Variants in CAMTA1 observed in about 807,000 individuals in gnomAD.
CAMTA1 encodes the protein calmodulin-binding transcription activator 1.
A neutral mutation model predicts 170.9 loss-of-function variants in CAMTA1; 27 were observed. That is an observed-to-expected ratio of 0.16 (90% CI 0.12 to 0.22). The LOEUF is 0.22. Among genes scored for constraint, CAMTA1 ranks in the 10% least tolerant of loss-of-function variants. The pLI, the probability that CAMTA1 is intolerant of heterozygous loss-of-function variation, is 1.00. For synonymous variants in CAMTA1, 833 were observed against 891.5 expected, an observed-to-expected ratio of 0.93 and a Z score of 1.17; for missense variants, 1,619 against 2,217.2, an observed-to-expected ratio of 0.73 and a Z score of 5.42.
intron 6 of CAMTA1, among the ~76,000 whole-genome samples, chr1:7,579,556 T>C (rs113521932): frequency 8.5e-5 from 9 of 106,070 alleles, no homozygotes; most frequent in African/African-American, 7.4e-4. Context: ...TCTTTTCTTT[T>C]TTTTTTTTTT....
intron 6 of CAMTA1, among the ~76,000 whole-genome samples, chr1:7,509,062 C>A (rs913061715): frequency 6.6e-6 from 1 of 152,138 alleles, no homozygotes; most frequent in Non-Finnish European, 1.5e-5. Context: ...TGCTGTGGGT[C>A]CCCCCAGGCA....
In CAMTA1 at chr1:6,856,292, T is replaced by C. The variant is rs1205959705; in HGVS notation, c.234+31082T>C. 6.6e-5 allele frequency among the ~76,000 whole-genome samples: 10 copies of C among 151,464 alleles called. No individual in the cohort carries two copies. In the East Asian group the frequency reaches 7.8e-4, roughly 12 times the overall value. On this transcript the variant is annotated intron_variant, in intron 3 of 22. Transcript: ENST00000303635. The stretch of plus-strand genomic sequence containing the variant: ...TGGAACCAGTGTTTTTTTTTTTTTT[T>C]CTCTGTGACAGATAGAATTATGATG...
chr1:6,847,120 C>T (rs1051506541), intron 3 of CAMTA1, among the ~76,000 whole-genome samples: 2 of 151,442 alleles, frequency 1.3e-5, no homozygotes, highest in African/African-American at 2.4e-5. Flanking sequence ...TCTTTTGCCT[C>T]AGCCTACCGA....
chr1:6,845,240 A>G (rs1419948278), intron 3 of CAMTA1, among the ~76,000 whole-genome samples: 1 of 152,194 alleles, frequency 6.6e-6, no homozygotes, highest in African/African-American at 2.4e-5. Flanking sequence ...CTGATGGTCC[A>G]GGGGCTTCTG....
rs1032555656 is a variant in CAMTA1 at position 7,585,749 on chromosome 1, G to A, written c.511-54651G>A. Among the ~76,000 whole-genome samples the A allele has an allele frequency of 7.3e-5, 11 of 150,874 alleles. No homozygotes were observed. Among genetic ancestry groups the A allele is most frequent in the Non-Finnish European group, 1.6e-4 (11 of 68,008 alleles). ...TGCCCAGTTCATACATCCTAGAGGG[G>A]GGCTCTCTTGTGGACAGACAGGCCA... On this transcript the variant is annotated intron_variant, in intron 6 of 22. Transcript: ENST00000303635. The surrounding 1 kb of genome is among the most constrained non-coding windows in gnomAD (Gnocchi z 4.8).
chr1:7,701,439 AGG>A (rs2096438948), intron 11 of CAMTA1, among the ~76,000 whole-genome samples: 1 of 152,068 alleles, frequency 6.6e-6, no homozygotes, highest in South Asian at 2.1e-4. Flanking sequence ...TTTTTGAGAC[AGG>A]GTCTTGCTCT....
At chr1:7,060,608 A>G (rs1240198472) in intron 3 of CAMTA1, among the ~76,000 whole-genome samples, 1 of 152,164 alleles carries the variant, frequency 6.6e-6, no homozygotes, top group African/African-American at 2.4e-5. Flanking sequence ...CTGCCTGTAC[A>G]CGTGTCTTAG....
chr1:7,446,002 C>T (rs944906146), intron 5 of CAMTA1, among the ~76,000 whole-genome samples: 14 of 152,252 alleles, frequency 9.2e-5, no homozygotes, highest in African/African-American at 3.4e-4. Context: ...TCCAGGCCTC[C>T]CTCCTCACCT....
chr1:7,220,217 ATGTT>A (rs1403510961), intron 4 of CAMTA1, among the ~76,000 whole-genome samples: 1 of 152,206 alleles, frequency 6.6e-6, no homozygotes, highest in Non-Finnish European at 1.5e-5. Context: ...GGGGTCAAGA[ATGTT>A]TGTGAGATGA....
chr1:7,244,591 G>A (rs1665444554), intron 4 of CAMTA1, among the ~76,000 whole-genome samples: 1 of 152,144 alleles, frequency 6.6e-6, no homozygotes, highest in Non-Finnish European at 1.5e-5. Context: ...GTCCTTTGTA[G>A]GGACATGGAT....
rs146755925 is a variant in CAMTA1, at chr1:7,298,692, T to C, written c.438+49066T>C. ...TTATCAATACATTTTGTAATATATATTTACCAAATTGTTTATCCAGCAAAC... is the reference window on the plus strand; with the variant it reads ...TTATCAATACATTTTGTAATATATACTTACCAAATTGTTTATCCAGCAAAC... On this transcript the variant is annotated intron_variant, in intron 5 of 22. Transcript: ENST00000303635. Among the ~76,000 whole-genome samples the C allele has an allele frequency of 4.4e-3, 671 of 152,302 alleles. 8 individuals carry two copies. Among genetic ancestry groups the C allele is most frequent in the Admixed American group, 0.024 (366 of 15,298 alleles).
intron 6 of CAMTA1, among the ~76,000 whole-genome samples, chr1:7,619,402 G>A (rs2095581714): frequency 6.6e-6 from 1 of 152,170 alleles, no homozygotes. Flanking sequence ...CCAGGTGACT[G>A]CAGTCCAGGT....
intron 9 of CAMTA1, among the ~76,000 whole-genome samples, chr1:7,667,778 C>A (rs778677941): frequency 5.9e-5 from 9 of 152,016 alleles, no homozygotes; most frequent in Non-Finnish European, 1.3e-4. Context: ...GCAGAGGGAG[C>A]GGCCAGCCTT....
intron 22 of CAMTA1, 93 bp downstream of exon 22, chr1:7,755,761 G>A: frequency 4.9e-6 from 5 of 1,019,914 alleles, no homozygotes; most frequent in Non-Finnish European, 7.8e-6. Context: ...GCCTAGGTAT[G>A]CCAGTAAGTT....
At chr1:7,138,424 A>G (rs1432147919) in intron 4 of CAMTA1, among the ~76,000 whole-genome samples, 1 of 152,238 alleles carries the variant, frequency 6.6e-6, no homozygotes, top group Admixed American at 6.5e-5. Flanking sequence ...ATGATGACTA[A>G]AAAGAATCAC....
At chr1:7,167,974 T>A (rs1411007267) in intron 4 of CAMTA1, among the ~76,000 whole-genome samples, 1 of 152,064 alleles carries the variant, frequency 6.6e-6, no homozygotes, top group Non-Finnish European at 1.5e-5. Context: ...GTCTCAAATT[T>A]CTGGCTTCAA....
At chr1:7,607,342 G>A (rs2095494124) in intron 6 of CAMTA1, among the ~76,000 whole-genome samples, 2 of 151,678 alleles carry the variant, frequency 1.3e-5, no homozygotes, top group South Asian at 4.2e-4. Context: ...ATGGGTCAAT[G>A]GATAGATGGA....
chr1:7,053,817 T>C (rs1225278843), intron 3 of CAMTA1, among the ~76,000 whole-genome samples: 1 of 152,168 alleles, frequency 6.6e-6, no homozygotes, highest in East Asian at 1.9e-4. Flanking sequence ...GACCTGGTGG[T>C]TGGTTGCTCA....
intron 4 of CAMTA1, among the ~76,000 whole-genome samples, chr1:7,169,865 C>A (rs1209376893): frequency 6.6e-6 from 1 of 152,058 alleles, no homozygotes; most frequent in African/African-American, 2.4e-5. Context: ...GTCATATATC[C>A]TCTCAATAAT....
Sources: gnomAD v4.1 joint callset for allele counts (sites outside exome capture counted in the v4.1 genomes callset) on GRCh38, gnomAD v4.1.1 for gene constraint, Gnocchi (gnomAD v3.1) non-coding constraint, MANE v1.5 for transcripts, NCBI Gene and HGNC (gene_info 2026-07-23, HGNC 2026-07-21) for gene names.